Variants in LRP1B observed in about 807,000 individuals in gnomAD.
LRP1B encodes the protein low-density lipoprotein receptor-related protein 1B.
LRP1B carries 217 observed loss-of-function variants against 556.6 expected under a neutral mutation model. The ratio of observed to expected loss-of-function variants is 0.39; its 90% CI spans 0.35 to 0.44. The LOEUF (loss-of-function observed/expected upper bound fraction) is 0.44. Ranked by LOEUF, LRP1B falls within the 20% of genes least tolerant of loss-of-function variation. LRP1B has a pLI of 1.00. For synonymous variants in LRP1B, 2,047 were observed against 1,865.8 expected, an observed-to-expected ratio of 1.10 and a Z score of -2.50; for missense variants, 5,053 against 5,620.8, an observed-to-expected ratio of 0.90 and a Z score of 3.23.
chr2:141,637,467 T>C (rs1457449802), intron 2 of LRP1B, among the ~76,000 whole-genome samples: 3 of 152,240 alleles, frequency 2.0e-5, no homozygotes, highest in Admixed American at 2.0e-4. Context: ...GTTCAGCTCT[T>C]GTGCAAAGCA....
chr2:140,725,951 G>C (rs745670948), intron 35 of LRP1B, among the ~76,000 whole-genome samples: 2 of 152,204 alleles, frequency 1.3e-5, no homozygotes, highest in South Asian at 4.1e-4. Context: ...GTTCTCAAAT[G>C]GCTACCCATT....
chr2:141,691,465 A>AACACACACACACACATAC lies in LRP1B; in HGVS notation c.205+118813_205+118814insGTATGTGTGTGTGTGTGT, dbSNP rs1553448863. 1.7e-3 allele frequency among the ~76,000 whole-genome samples: 221 copies of AACACACACACACACATAC among 133,246 alleles called. 2 individuals are homozygous for AACACACACACACACATAC. Among genetic ancestry groups the AACACACACACACACATAC allele is most frequent in the African/African-American group, 6.1e-3 (212 of 34,702 alleles). The allele number at this position is 133,246 out of a possible 152,430, so 87.4% of individuals were successfully genotyped here. A position where few individuals can be genotyped will look rare whatever the true frequency, so the allele number is the denominator to read the frequency against. The stretch of plus-strand genomic sequence containing the variant: ...AAAAAAGTTGGCCAGGTAATCAGCC[A>AACACACACACACACATAC]ACACACACACACACACACACGTTGC... On this transcript the variant is annotated intron_variant, in intron 2 of 90. Coordinates refer to ENST00000389484, the MANE Select transcript of LRP1B (RefSeq NM_018557.3).
At position 140,335,765 on chromosome 2, in the gene LRP1B, G is replaced by A. The variant is rs139868893; in HGVS notation, c.11966C>T (p.Ser3989Phe). 5.0e-4 allele frequency: 807 copies of A among 1,612,758 alleles called. 1 individual carries two copies. Among genetic ancestry groups the A allele is most frequent in the Non-Finnish European group, 6.5e-4 (772 of 1,179,292 alleles). ...VAGNIYWTDH[S>F]RMHWFSYYTT... ...GTAGTAACTGAACCAATGCATTCTA[G>A]AATGATCAGTCCAGTAAATGTTTCC... is the stretch of plus-strand genomic sequence containing the variant. Residue 3989 changes from serine (S) to phenylalanine (F), a missense_variant, in exon 78 of 91, where the codon TCT (serine) becomes TTT (phenylalanine). Physicochemically the swap from Ser to Phe is radical, Grantham distance 155. This residue lies in a region of LRP1B where 599 missense variants were observed against 648.4 expected (regional missense o/e 0.92). Transcript: ENST00000389484.
chr2:141,059,685 T>A (rs189824147), intron 8 of LRP1B, among the ~76,000 whole-genome samples: 19 of 151,920 alleles, frequency 1.3e-4, no homozygotes, highest in African/African-American at 2.9e-4. Flanking sequence ...AATAGAACAG[T>A]TTCTTTTGAG....
intron 7 of LRP1B, among the ~76,000 whole-genome samples, chr2:141,135,516 A>C (rs1185544977): frequency 5.3e-5 from 8 of 152,008 alleles, no homozygotes; most frequent in Non-Finnish European, 1.5e-5. Flanking sequence ...CAACACATGC[A>C]CACGCGTGCA....
At chr2:141,073,669 C>T (rs567317834) in intron 7 of LRP1B, among the ~76,000 whole-genome samples, 6 of 152,106 alleles carry the variant, frequency 3.9e-5, no homozygotes, top group African/African-American at 1.4e-4. Context: ...TATTAAATTC[C>T]TGCTCTTTCT....
At chr2:141,310,468 T>A (rs1686771063) in intron 3 of LRP1B, among the ~76,000 whole-genome samples, 1 of 151,986 alleles carries the variant, frequency 6.6e-6, no homozygotes, top group African/African-American at 2.4e-5. Context: ...TAGCACAGAG[T>A]GATATATACC....
At chr2:140,310,030 TTGC>T (rs1486021303) in intron 83 of LRP1B, among the ~76,000 whole-genome samples, 2 of 151,770 alleles carry the variant, frequency 1.3e-5, no homozygotes, top group Admixed American at 1.3e-4. Flanking sequence ...TGTTTCAAAA[TTGC>T]TTGCTGCAAA....
intron 43 of LRP1B, among the ~76,000 whole-genome samples, chr2:140,577,236 G>A (rs1681561286): frequency 6.6e-6 from 1 of 152,018 alleles, no homozygotes; most frequent in Non-Finnish European, 1.5e-5. Context: ...TGTAATCCCA[G>A]CACTTTGGGA....
In LRP1B at chr2:141,407,393, G is replaced by T. The variant is rs183477909; in HGVS notation, c.343+73003C>A. Among the ~76,000 whole-genome samples, 5 of 152,176 alleles carry T rather than the reference G, an allele frequency of 3.3e-5. No individual in the cohort carries two copies. The South Asian group carries it at 1.0e-3, about 32-fold the overall frequency. On this transcript the variant is annotated intron_variant, in intron 3 of 90. Coordinates refer to ENST00000389484, the MANE Select transcript of LRP1B (RefSeq NM_018557.3). ...AAAAAGGCAAGCCAAAATCAAGACC[G>T]TTATTCAAAATCAAACTGATACAGT...
chr2:141,464,697 G>A (rs1211416930), intron 3 of LRP1B, among the ~76,000 whole-genome samples: 1 of 149,462 alleles, frequency 6.7e-6, no homozygotes, highest in Non-Finnish European at 1.5e-5. Context: ...CTCCCAAAGT[G>A]CTGGGATTAC....
At chr2:141,583,037 C>T (rs142049520) in intron 2 of LRP1B, among the ~76,000 whole-genome samples, 2 of 151,750 alleles carry the variant, frequency 1.3e-5, no homozygotes, top group Admixed American at 6.6e-5. Flanking sequence ...GGGGTTTCAC[C>T]GTGTTAGCCA....
intron 41 of LRP1B, among the ~76,000 whole-genome samples, chr2:140,641,220 G>A (rs1684281781): frequency 6.6e-6 from 1 of 152,170 alleles, no homozygotes; most frequent in African/African-American, 2.4e-5. Flanking sequence ...TTGGAACAAT[G>A]ACTGATAGTA....
Position 141,879,456 on chromosome 2 carries a change from G to T in LRP1B, c.83-69055C>A, listed in dbSNP as rs185723942. On this transcript the variant is annotated intron_variant, in intron 1 of 90. Transcript: ENST00000389484. Reference sequence around the variant, plus strand: ...GTGCTTAAAAATGTTAACAAAATCAGTTTTTTAAAAATAGTAAATTCAAAA... The same window carrying T: ...GTGCTTAAAAATGTTAACAAAATCATTTTTTTAAAAATAGTAAATTCAAAA... Among the ~76,000 whole-genome samples the T allele has an allele frequency of 3.7e-3, 556 of 151,904 alleles. 3 individuals are homozygous for T. Among genetic ancestry groups the T allele is most frequent in the African/African-American group, 0.013 (539 of 41,514 alleles).
intron 2 of LRP1B, among the ~76,000 whole-genome samples, chr2:141,545,395 G>T (rs1685515498): frequency 1.3e-5 from 2 of 152,178 alleles, no homozygotes; most frequent in Non-Finnish European, 2.9e-5. Flanking sequence ...AAAATAATGG[G>T]CCTTCAAAGA....
chr2:141,250,376 G>C (rs996575586), intron 4 of LRP1B, among the ~76,000 whole-genome samples: 1 of 152,226 alleles, frequency 6.6e-6, no homozygotes, highest in Admixed American at 6.5e-5. Context: ...AAAGGGGACT[G>C]GGGGTTGGGC....
At chr2:141,546,616 C>G (rs572340541) in intron 2 of LRP1B, among the ~76,000 whole-genome samples, 1 of 152,136 alleles carries the variant, frequency 6.6e-6, no homozygotes, top group Non-Finnish European at 1.5e-5. Context: ...TGAGGAATTA[C>G]ATATCATTTA....
In LRP1B at chr2:141,049,824, G is replaced by A. The variant is rs1320718208; in HGVS notation, c.1553-602C>T. 2.0e-5 allele frequency among the ~76,000 whole-genome samples: 3 copies of A among 152,146 alleles called. No individual in the cohort carries two copies. The East Asian group carries it at 5.8e-4, about 29-fold the overall frequency. On this transcript the variant is annotated intron_variant, in intron 10 of 90. Coordinates refer to ENST00000389484, the MANE Select transcript of LRP1B (RefSeq NM_018557.3). ...TCTTCAAATTTTAATTAGAATGTTA[G>A]AGGCTGATGCTGTCTGACAGTAACT...
chr2:141,753,075 G>A (rs1173300087), intron 2 of LRP1B, among the ~76,000 whole-genome samples: 1 of 148,996 alleles, frequency 6.7e-6, no homozygotes, highest in Non-Finnish European at 1.5e-5. Context: ...ATGGAAAAAT[G>A]CCTTCTGTAT....
Sources: gnomAD v4.1 joint callset for allele counts (sites outside exome capture counted in the v4.1 genomes callset) on GRCh38, gnomAD v4.1.1 for gene constraint, gnomAD v4.1.1 regional missense constraint, MANE v1.5 for transcripts, NCBI Gene and HGNC (gene_info 2026-07-23, HGNC 2026-07-21) for gene names.